The following SLC9A9 variants were observed in gnomAD, a reference collection of about 807,000 sequenced individuals.
SLC9A9 encodes solute carrier family 9 member A9.
SLC9A9 carries 62 observed loss-of-function variants against 77.8 expected under a neutral mutation model. The ratio of observed to expected loss-of-function variants is 0.80; its 90% CI spans 0.65 to 0.98. SLC9A9 has a LOEUF of 0.98. SLC9A9 is among the 50% of genes least tolerant of loss of function. The pLI, the probability that SLC9A9 is intolerant of heterozygous loss-of-function variation, is 0.00. For synonymous variants in SLC9A9, 320 were observed against 283.5 expected, an observed-to-expected ratio of 1.13 and a Z score of -1.29; for missense variants, 775 against 774.9, an observed-to-expected ratio of 1.00 and a Z score of 0.00.
intron 11 of SLC9A9, among the ~76,000 whole-genome samples, chr3:143,474,867 T>C (rs2035444239): frequency 6.6e-6 from 1 of 152,004 alleles, no homozygotes. Flanking sequence ...CCTGCAGTGC[T>C]CCCCTGAGTC....
At chr3:143,571,850 C>G (rs1550509) in intron 8 of SLC9A9, among the ~76,000 whole-genome samples, 5 of 152,022 alleles carry the variant, frequency 3.3e-5, no homozygotes, top group Non-Finnish European at 7.4e-5. Context: ...CAAATCCAAT[C>G]TGGAAATAGG....
chr3:143,789,233 G>A (rs2008147497), intron 4 of SLC9A9, among the ~76,000 whole-genome samples: 1 of 152,106 alleles, frequency 6.6e-6, no homozygotes, highest in Non-Finnish European at 1.5e-5. Context: ...CACCCTGAGT[G>A]CATCCTAGAG....
chr3:143,615,171 T>C (rs2038082999), intron 6 of SLC9A9, among the ~76,000 whole-genome samples: 1 of 152,156 alleles, frequency 6.6e-6, no homozygotes, highest in South Asian at 2.1e-4. Flanking sequence ...TTTAGAATGA[T>C]AATCCCAAGT....
At chr3:143,510,482 C>T (rs1020999267) in intron 9 of SLC9A9, among the ~76,000 whole-genome samples, 5 of 152,038 alleles carry the variant, frequency 3.3e-5, no homozygotes, top group Non-Finnish European at 7.4e-5. Context: ...TAGCTGGTTC[C>T]GATCCTGTGT....
chr3:143,528,390 T>A (rs1042552119), intron 9 of SLC9A9, among the ~76,000 whole-genome samples: 2 of 152,220 alleles, frequency 1.3e-5, no homozygotes, highest in African/African-American at 4.8e-5. Context: ...TACCTAGTAT[T>A]ATGATGAGTT....
chr3:143,791,835 G>C (rs1284407040), intron 4 of SLC9A9, among the ~76,000 whole-genome samples: 1 of 152,134 alleles, frequency 6.6e-6, no homozygotes, highest in Non-Finnish European at 1.5e-5. Context: ...ATTCCTTTTG[G>C]ATGGACTTCC....
chr3:143,573,477 C>A (rs1012790606), intron 8 of SLC9A9, among the ~76,000 whole-genome samples: 2 of 152,136 alleles, frequency 1.3e-5, no homozygotes, highest in African/African-American at 4.8e-5. Flanking sequence ...ATTGCTCAAT[C>A]CAGATCCTAG....
At chr3:143,552,529 A>C (rs2036910627) in intron 8 of SLC9A9, 79 bp from the exon 9 acceptor site, 1 of 1,193,210 alleles carries the variant, frequency 8.4e-7, no homozygotes, top group South Asian at 1.3e-5. Context: ...TTCCAGTTGG[A>C]AAATAGACTT....
chr3:143,538,136 A>T (rs3951555), intron 9 of SLC9A9, among the ~76,000 whole-genome samples: 7,421 of 152,268 alleles, frequency 0.049, 282 homozygotes, highest in African/African-American at 0.1. Flanking sequence ...ACAGGCCAGT[A>T]TATCCAAGTC....
intron 14 of SLC9A9, among the ~76,000 whole-genome samples, chr3:143,342,022 G>A (rs760398941): frequency 6.6e-6 from 1 of 152,142 alleles, no homozygotes; most frequent in African/African-American, 2.4e-5. Context: ...TGTGTTATGG[G>A]AATACCGCAT....
chr3:143,270,075 G>C (rs963906168), intron 14 of SLC9A9, among the ~76,000 whole-genome samples: 3 of 152,206 alleles, frequency 2.0e-5, no homozygotes, highest in Non-Finnish European at 4.4e-5. Context: ...ACGAAGCCTT[G>C]TTATGATGCG....
In SLC9A9 at chr3:143,382,125, A is replaced by G. The variant is rs1416849983; in HGVS notation, c.1470-11T>C. On this transcript the variant is annotated splice_polypyrimidine_tract_variant and intron_variant, in intron 12 of 15. Transcript: ENST00000316549. ...AGGTCCACGCCAACTCTGTTAAACA[A>G]AACCAAAAACTGGTCAATCCCCTGC... 1.2e-6 allele frequency: 2 copies of G among 1,610,334 alleles called. No homozygotes were observed. The highest frequency in any genetic ancestry group is 1.7e-6 in the Non-Finnish European group (2 of 1,177,056).
rs2031984199 is a variant in SLC9A9, at chr3:143,338,186, T to C, written c.1604+25298A>G. On this transcript the variant is annotated intron_variant, in intron 14 of 15. Transcript: ENST00000316549. ...AGAAACAAAAGAGCTCTCATTGTGA[T>C]TGCAATGTCAAAGTGTTATGGCCAT... Among the ~76,000 whole-genome samples, 3 of 152,330 alleles carry C rather than the reference T, an allele frequency of 2.0e-5. No homozygotes were observed. The East Asian group carries it at 5.8e-4, about 29-fold the overall frequency.
At chr3:143,725,334 C>A (rs1369267071) in intron 4 of SLC9A9, among the ~76,000 whole-genome samples, 1 of 151,958 alleles carries the variant, frequency 6.6e-6, no homozygotes, top group Admixed American at 6.6e-5. Context: ...GTGGCGATTC[C>A]TCAGGGATCT....
At chr3:143,444,678 C>A (rs1222599303) in intron 12 of SLC9A9, among the ~76,000 whole-genome samples, 1 of 152,180 alleles carries the variant, frequency 6.6e-6, no homozygotes, top group Non-Finnish European at 1.5e-5. Context: ...TCTTCCTACC[C>A]CATCAGCTTG....
chr3:143,363,412 T>A (rs1323842117), intron 14 of SLC9A9, 72 bp downstream of exon 14: 3 of 1,400,140 alleles, frequency 2.1e-6, no homozygotes, highest in Non-Finnish European at 3.0e-6. Context: ...AGTGCACACT[T>A]CAATGATTAA....
At chr3:143,830,655 AGT>A (rs1444246565) in intron 2 of SLC9A9, among the ~76,000 whole-genome samples, 1 of 152,162 alleles carries the variant, frequency 6.6e-6, no homozygotes, top group Non-Finnish European at 1.5e-5. Flanking sequence ...TGTGTAGGAG[AGT>A]GAAGAGAGAA....
At chr3:143,648,556 C>A (rs1309351847) in intron 6 of SLC9A9, among the ~76,000 whole-genome samples, 1 of 152,180 alleles carries the variant, frequency 6.6e-6, no homozygotes, top group East Asian at 1.9e-4. Flanking sequence ...CGGTCCACAG[C>A]CTGGGGGTTG....
At chr3:143,289,269 A>G (rs1262970925) in intron 14 of SLC9A9, among the ~76,000 whole-genome samples, 1 of 152,198 alleles carries the variant, frequency 6.6e-6, no homozygotes, top group Non-Finnish European at 1.5e-5. Context: ...AACAGCAGCC[A>G]GTGATTCATC....
Sources: allele counts gnomAD v4.1 joint callset (sites outside exome capture counted in the v4.1 genomes callset), GRCh38; gene constraint gnomAD v4.1.1; transcripts MANE v1.5; gene names NCBI Gene and HGNC (gene_info 2026-07-23, HGNC 2026-07-21).